Variants in SPAG17 observed in about 807,000 individuals in gnomAD.
The protein encoded by SPAG17 is sperm associated antigen 17.
A neutral mutation model predicts 273.6 loss-of-function variants in SPAG17; 169 were observed. That is an observed-to-expected ratio of 0.62 (90% confidence interval 0.55 to 0.70). SPAG17 has a LOEUF of 0.70. Ranked by LOEUF, SPAG17 falls within the 30% of genes least tolerant of loss-of-function variation. The probability of loss-of-function intolerance (pLI) is 0.00; values close to 1 mark genes in which losing one functional copy is unlikely to be tolerated. For missense variants in SPAG17, 2,557 were observed against 2,627.8 expected, an observed-to-expected ratio of 0.97 and a Z score of 0.59; for synonymous variants, 825 against 873.2, an observed-to-expected ratio of 0.94 and a Z score of 0.97.
chr1:118,082,905 A>C (rs1209013078), intron 13 of SPAG17, among the ~76,000 whole-genome samples: 2 of 152,190 alleles, frequency 1.3e-5, no homozygotes, highest in South Asian at 2.1e-4. Context: ...ATGTTCAAGG[A>C]ATCACAGTGA....
intron 28 of SPAG17, among the ~76,000 whole-genome samples, chr1:118,020,184 C>G (rs1452595262): frequency 6.6e-6 from 1 of 152,038 alleles, no homozygotes; most frequent in Non-Finnish European, 1.5e-5. Context: ...TCTGGGGGGC[C>G]AAGGCAAGCG....
intron 26 of SPAG17, 56 bp downstream of exon 26, chr1:118,028,218 T>G: frequency 1.3e-6 from 2 of 1,561,478 alleles, no homozygotes; most frequent in South Asian, 2.4e-5. Flanking sequence ...CAATTTCCTG[T>G]TTTCTACGTG....
Position 118,128,706 on chromosome 1 carries a change from C to T in SPAG17, c.316-13265G>A, listed in dbSNP as rs537853855. On this transcript the variant is annotated intron_variant, in intron 3 of 48. Transcript: ENST00000336338. ...TCCCTGAACTTCCTGCACCCCAACA[C>T]TGGAGCACTAGATGTGTTAATTTAG... is the stretch of plus-strand genomic sequence containing the variant. 3.9e-5 allele frequency among the ~76,000 whole-genome samples: 6 copies of T among 152,350 alleles called. No individual in the cohort carries two copies. In the East Asian group the frequency reaches 1.2e-3, roughly 29 times the overall value.
intron 48 of SPAG17, chr1:117,955,440 A>G: frequency 7.8e-7 from 1 of 1,281,240 alleles, no homozygotes; most frequent in South Asian, 1.3e-5. Context: ...AATAAATAGA[A>G]ATTATAATTG....
intron 15 of SPAG17, among the ~76,000 whole-genome samples, chr1:118,079,791 T>C (rs1008547576): frequency 6.6e-6 from 1 of 152,178 alleles, no homozygotes; most frequent in Non-Finnish European, 1.5e-5. Flanking sequence ...TCTATAGTTT[T>C]GATACTCAGT....
chr1:118,132,068 G>A (rs1338680916), intron 3 of SPAG17, among the ~76,000 whole-genome samples: 1 of 152,214 alleles, frequency 6.6e-6, no homozygotes, highest in Non-Finnish European at 1.5e-5. Context: ...GGAGCATTCA[G>A]GACAGTATCG....
At position 117,964,330 on chromosome 1, in the gene SPAG17, T is replaced by C. The variant is rs751835862; in HGVS notation, c.6533-392A>G. 4.1e-4 allele frequency: 65 copies of C among 157,030 alleles called. No homozygotes were observed. The Middle Eastern group carries it at 0.013, about 32-fold the overall frequency. The allele number at this position is 157,030 out of a possible 1,614,324, so 9.7% of individuals were successfully genotyped here. On this transcript the variant is annotated intron_variant, in intron 47 of 48. Transcript: ENST00000336338. ...ATCTGATAAGATTTTTTGCCCTTTA[T>C]CTGTGTCTGACAGGTTCTCTCTAAT...
intron 1 of SPAG17, among the ~76,000 whole-genome samples, chr1:118,154,893 A>C (rs1364050692): frequency 2.0e-5 from 3 of 152,096 alleles, no homozygotes; most frequent in Non-Finnish European, 2.9e-5. Flanking sequence ...TTTGGGTGTA[A>C]TTAGTAGCAA....
In SPAG17 at chr1:117,953,636, T is replaced by C; in HGVS notation, c.*414A>G. The C allele has an allele frequency of 7.6e-7, 1 of 1,310,362 alleles. No homozygotes were observed. Among genetic ancestry groups the C allele is most frequent in the African/African-American group, 1.5e-5 (1 of 66,460 alleles). 81.2% of individuals were successfully genotyped at this position (1,310,362 alleles called of 1,614,324 possible). ...TGTATCAACCAGAAAGCCATTTTTT[T>C]GGCAAAAAGTTGATGAGATTTAAAG... On this transcript the variant is annotated 3_prime_UTR_variant, in exon 49 of 49. Transcript: ENST00000336338.
chr1:118,051,397 T>G (rs1228103835), intron 20 of SPAG17, among the ~76,000 whole-genome samples: 3 of 152,008 alleles, frequency 2.0e-5, no homozygotes, highest in Non-Finnish European at 4.4e-5. Flanking sequence ...TGGGTATATA[T>G]CTAAAGGATT....
intron 10 of SPAG17, among the ~76,000 whole-genome samples, chr1:118,087,571 C>A (rs914748474): frequency 1.3e-5 from 2 of 152,152 alleles, no homozygotes; most frequent in Admixed American, 1.3e-4. Flanking sequence ...AATCCTCATT[C>A]TTTCTTCAAA....
At chr1:118,058,259 G>A (rs968445214) in intron 18 of SPAG17, among the ~76,000 whole-genome samples, 15 of 152,230 alleles carry the variant, frequency 9.9e-5, no homozygotes, top group African/African-American at 3.6e-4. Context: ...CCAGGCTGGA[G>A]TGCAGGGGTA....
Position 118,015,995 on chromosome 1 carries a change from G to T in SPAG17, c.4257C>A (p.Ser1419=). 1 of 1,613,986 alleles carries T rather than the reference G, an allele frequency of 6.2e-7. No individual in the cohort carries two copies. ...CATTGACAGGATCTGTGGCCTGAAAGGATAACAATGGGGTCAAGTCTGCTA... is the reference window on the plus strand; with the variant it reads ...CATTGACAGGATCTGTGGCCTGAAATGATAACAATGGGGTCAAGTCTGCTA... The part of the protein sequence containing the change: ...ERIADLTPLL[S]FQATDPVNGT... Residue 1419 remains serine, a synonymous_variant, in exon 29 of 49, where the codon TCC becomes TCA. Coordinates refer to ENST00000336338, the MANE Select transcript of SPAG17 (RefSeq NM_206996.4).
intron 20 of SPAG17, among the ~76,000 whole-genome samples, chr1:118,045,582 T>C (rs760969324): frequency 6.6e-6 from 1 of 152,210 alleles, no homozygotes; most frequent in African/African-American, 2.4e-5. Context: ...TAAACCAGAA[T>C]AGTAAGCACA....
At chr1:118,139,076 C>G (rs1055340703) in intron 3 of SPAG17, among the ~76,000 whole-genome samples, 1 of 151,504 alleles carries the variant, frequency 6.6e-6, no homozygotes, top group Non-Finnish European at 1.5e-5. Context: ...GCCCAGACAA[C>G]TCAATAACAA....
At chr1:117,993,964 T>C (rs1039517717) in intron 35 of SPAG17, among the ~76,000 whole-genome samples, 5 of 152,184 alleles carry the variant, frequency 3.3e-5, no homozygotes, top group Admixed American at 1.3e-4. Context: ...TTCATATTGT[T>C]CTTAGATGGT....
chr1:118,007,593 A>C (rs1659029276), intron 31 of SPAG17, among the ~76,000 whole-genome samples: 1 of 152,182 alleles, frequency 6.6e-6, no homozygotes, highest in Admixed American at 6.5e-5. Flanking sequence ...CAGGGACCAC[A>C]CACACCATGT....
intron 42 of SPAG17, among the ~76,000 whole-genome samples, chr1:117,983,475 A>G (rs1049040829): frequency 1.3e-5 from 2 of 152,220 alleles, no homozygotes; most frequent in Non-Finnish European, 2.9e-5. Context: ...TCTCCATTGT[A>G]AAGATACATT....
chr1:118,080,234 T>C (rs1298935224), intron 15 of SPAG17, among the ~76,000 whole-genome samples: 1 of 152,126 alleles, frequency 6.6e-6, no homozygotes, highest in Admixed American at 6.5e-5. Context: ...GACCCTGGAA[T>C]GCTAAGAGAG....
Sources: gnomAD v4.1 joint callset for allele counts (sites outside exome capture counted in the v4.1 genomes callset) on GRCh38, gnomAD v4.1.1 for gene constraint, MANE v1.5 for transcripts, NCBI Gene and HGNC (gene_info 2026-07-23, HGNC 2026-07-21) for gene names.